Variants in LILRB1 observed in about 807,000 individuals in gnomAD.
The protein encoded by LILRB1 is leukocyte immunoglobulin like receptor B1, also known as leukocyte immunoglobulin-like receptor subfamily B member 1.
Under a neutral mutation model 74.6 loss-of-function variants are expected in LILRB1, and 59 were observed. The ratio of observed to expected loss-of-function variants is 0.79; its 90% CI spans 0.64 to 0.98. The LOEUF is 0.98. Among genes scored for constraint, LILRB1 ranks in the 50% least tolerant of loss-of-function variants. LILRB1 has a pLI of 0.00. For synonymous variants in LILRB1, 328 were observed against 333.9 expected, an observed-to-expected ratio of 0.98 and a Z score of 0.19; for missense variants, 804 against 822.6, an observed-to-expected ratio of 0.98 and a Z score of 0.28.
At chr19:54,620,398 A>G (rs2063423962) in intron 1 of LILRB1, among the ~76,000 whole-genome samples, 2 of 152,170 alleles carry the variant, frequency 1.3e-5, no homozygotes, top group South Asian at 2.1e-4. Flanking sequence ...TCTGTTGCCC[A>G]GGCTGGATGG....
At chr19:54,634,551 G>A in intron 9 of LILRB1, 90 bp from the exon 10 acceptor site, 1 of 1,520,760 alleles carries the variant, frequency 6.6e-7, no homozygotes, top group East Asian at 2.5e-5. Flanking sequence ...GGGGTTGGAG[G>A]TGGTGAACAG....
intron 5 of LILRB1, 53 bp downstream of exon 5, chr19:54,632,290 G>T (rs2063945018): frequency 1.3e-6 from 2 of 1,582,784 alleles, no homozygotes; most frequent in Non-Finnish European, 1.7e-6. Flanking sequence ...GGCAGGTGGG[G>T]AGCAGCCGCG....
At chr19:54,618,108 AAAAAAAAG>A (rs369118818) in intron 1 of LILRB1, among the ~76,000 whole-genome samples, 251 of 149,520 alleles carry the variant, frequency 1.7e-3, no homozygotes, top group East Asian at 0.012. Context: ...CTCAAAAAAA[AAAAAAAAG>A]AAAAAAAGAA....
rs570524433 is a variant in LILRB1 at position 54,634,526 on chromosome 19, T to C, written c.1364-115T>C. 7 of 1,524,102 alleles carry C rather than the reference T, an allele frequency of 4.6e-6. No homozygotes were observed. The South Asian group carries it at 8.4e-5, about 18-fold the overall frequency. The allele number at this position is 1,524,102 out of a possible 1,614,324, so 94.4% of individuals were successfully genotyped here. Reference sequence around the variant, plus strand: ...GTGGGTGGGGTGGATGTTTCTGTGCTGCACGACTGTTGTGGGGGTTGGAGG... The same window carrying C: ...GTGGGTGGGGTGGATGTTTCTGTGCCGCACGACTGTTGTGGGGGTTGGAGG... On this transcript the variant is annotated intron_variant, in intron 9 of 14. Transcript: ENST00000324602.
At chr19:54,617,549 A>ATGTC (rs1555789245) in intron 1 of LILRB1, among the ~76,000 whole-genome samples, 1 of 98,542 alleles carries the variant, frequency 1.0e-5, no homozygotes, top group Non-Finnish European at 2.2e-5. Context: ...AAGCTACAGG[A>ATGTC]TGTCTGTGTG....
rs772148886 is a variant in LILRB1 at position 54,632,097 on chromosome 19, C to G, written c.521C>G (p.Ala174Gly). 3.7e-6 allele frequency: 6 copies of G among 1,614,256 alleles called. No homozygotes were observed. Among genetic ancestry groups the G allele is most frequent in the Non-Finnish European group, 5.1e-6 (6 of 1,180,032 alleles). ...HPQCLNSQPH[A>G]RGSSRAIFSV... ...CAATGCCTGAACTCCCAGCCCCATGCCCGTGGGTCGTCCCGCGCCATCTTC... is the reference window on the plus strand; with the variant it reads ...CAATGCCTGAACTCCCAGCCCCATGGCCGTGGGTCGTCCCGCGCCATCTTC... The change falls in exon 5 of 15, where the codon GCC becomes GGC. Residue 174 changes from alanine to glycine, a missense_variant. Transcript: ENST00000324602.
chr19:54,633,410 G>A lies in LILRB1; in HGVS notation c.1261+92G>A, dbSNP rs1292523770. 8.0e-6 allele frequency: 12 copies of A among 1,502,578 alleles called. No homozygotes were observed. In the South Asian group the frequency reaches 9.1e-5, roughly 11 times the overall value. The allele number at this position is 1,502,578 out of a possible 1,614,324, so 93.1% of individuals were successfully genotyped here. A position where few individuals can be genotyped will look rare whatever the true frequency, so the allele number is the denominator to read the frequency against. The stretch of plus-strand genomic sequence containing the variant: ...CTGGGCTGGGATGGAGTGAGCGGGG[G>A]TCTGAGAGGGGCTCAGCCAGTGGGA... On this transcript the variant is annotated intron_variant, in intron 7 of 14. Coordinates refer to ENST00000324602, the MANE Select transcript of LILRB1 (RefSeq NM_001081637.3).
chr19:54,634,126 C>T lies in LILRB1; in HGVS notation c.1363+105C>T, dbSNP rs2064173748. 5.9e-6 allele frequency: 9 copies of T among 1,537,772 alleles called. No homozygotes were observed. The East Asian group carries it at 2.2e-4, about 38-fold the overall frequency. On this transcript the variant is annotated intron_variant, in intron 9 of 14. Coordinates refer to ENST00000324602, the MANE Select transcript of LILRB1 (RefSeq NM_001081637.3). ...CTGGAGGTGGTGATATAGACAGGCT[C>T]CTCCCCTGCTTGGGCCTCAGTTTCT... is the stretch of plus-strand genomic sequence containing the variant.
At chr19:54,628,999 G>C (rs369252292), upstream of LILRB1, among the ~76,000 whole-genome samples, 5 of 152,160 alleles carry the variant, frequency 3.3e-5, no homozygotes, top group Non-Finnish European at 7.3e-5. Flanking sequence ...TTCCCTCTCC[G>C]GACACACTGT....
At chr19:54,618,187 A>G (rs1430443723) in intron 1 of LILRB1, among the ~76,000 whole-genome samples, 1 of 151,836 alleles carries the variant, frequency 6.6e-6, no homozygotes, top group African/African-American at 2.4e-5. Context: ...TTTTGAATCT[A>G]TAAGATGTAC....
chr19:54,634,970 CT>C (rs1482314626), intron 10 of LILRB1, 133 bp from the exon 11 acceptor site: 1 of 1,451,184 alleles, frequency 6.9e-7, no homozygotes, highest in Non-Finnish European at 9.3e-7. Context: ...CCTTCGGGCT[CT>C]GTCCATCCTA....
Position 54,635,381 on chromosome 19 carries a change from G to T in LILRB1, c.1600+85G>T, listed in dbSNP as rs1036024100. Reference sequence around the variant, plus strand: ...GCAATGGGGAAAGGGGCGCTGGCTGGAAAGGGTCTGGGGCTCAGGGTGAGA... The same window carrying T: ...GCAATGGGGAAAGGGGCGCTGGCTGTAAAGGGTCTGGGGCTCAGGGTGAGA... On this transcript the variant is annotated intron_variant, in intron 12 of 14. Coordinates refer to ENST00000324602, the MANE Select transcript of LILRB1 (RefSeq NM_001081637.3). 4.4e-6 allele frequency: 7 copies of T among 1,575,556 alleles called. No individual in the cohort carries two copies. In the African/African-American group the frequency reaches 8.1e-5, roughly 18 times the overall value.
chr19:54,634,835 A>G (rs1029257147), intron 10 of LILRB1, 72 bp downstream of exon 10: 64 of 1,568,952 alleles, frequency 4.1e-5, no homozygotes, highest in Non-Finnish European at 4.3e-5. Flanking sequence ...GAGAATCCAA[A>G]CCACTGGGCA....
intron 10 of LILRB1, 57 bp from the exon 11 acceptor site, chr19:54,635,047 T>C: frequency 3.2e-6 from 4 of 1,262,798 alleles, no homozygotes; most frequent in Non-Finnish European, 4.4e-6. Flanking sequence ...GAGCTGTGTG[T>C]GCAGGGCAGG....
At chr19:54,632,793 A>C (rs772342811) in intron 6 of LILRB1, 33 bp downstream of exon 6, 29 of 1,608,790 alleles carry the variant, frequency 1.8e-5, no homozygotes, top group Admixed American at 6.7e-5. Context: ...TCAGGGACCC[A>C]GGCTCCGCAC....
chr19:54,621,987 G>A (rs1392605194), intron 1 of LILRB1, among the ~76,000 whole-genome samples: 1 of 152,144 alleles, frequency 6.6e-6, no homozygotes, highest in East Asian at 1.9e-4. Flanking sequence ...GCAAAGCTCA[G>A]TATGTTGTAG....
At chr19:54,633,463 A>G in intron 7 of LILRB1, 145 bp downstream of exon 7, 1 of 1,302,636 alleles carries the variant, frequency 7.7e-7, no homozygotes, top group Non-Finnish European at 1.1e-6. Context: ...AAGGAGGAGA[A>G]CAGGGCCCTC....
chr19:54,630,747 A>G, intron 1 of LILRB1, 114 bp downstream of exon 1: 1 of 700,048 alleles, frequency 1.4e-6, no homozygotes, highest in South Asian at 1.6e-5. Flanking sequence ...AAGGGCAGAC[A>G]CAGGAAGGAA....
Position 54,635,091 on chromosome 19 carries a change from C to G in LILRB1, c.1487-13C>G. The G allele has an allele frequency of 6.5e-7, 1 of 1,534,166 alleles. No homozygotes were observed. The highest frequency in any genetic ancestry group is 2.3e-5 in the East Asian group (1 of 43,974). ...ATGTTCCCAGGGCTGAGGCTCTGTCCTTCTTCCCCCAGCCCAGAGAAAGGC... is the reference window on the plus strand; with the variant it reads ...ATGTTCCCAGGGCTGAGGCTCTGTCGTTCTTCCCCCAGCCCAGAGAAAGGC... On this transcript the variant is annotated splice_polypyrimidine_tract_variant and intron_variant, in intron 10 of 14. Transcript: ENST00000324602.
Sources: gnomAD v4.1 joint callset for allele counts (sites outside exome capture counted in the v4.1 genomes callset) on GRCh38, gnomAD v4.1.1 for gene constraint, MANE v1.5 for transcripts, NCBI Gene and HGNC (gene_info 2026-07-23, HGNC 2026-07-21) for gene names.